ABCB1: variants seen among roughly 807,000 people sequenced by gnomAD.
The protein encoded by ABCB1 is ATP binding cassette subfamily B member 1.
A neutral mutation model predicts 142.0 loss-of-function variants in ABCB1; 69 were observed. The ratio of observed to expected loss-of-function variants is 0.49; its 90% CI spans 0.40 to 0.59. The LOEUF (loss-of-function observed/expected upper bound fraction) is 0.59, where lower values mean the gene tolerates loss of function less well. Ranked by LOEUF, ABCB1 falls within the 20% of genes least tolerant of loss-of-function variation. The pLI is 0.00. For synonymous variants in ABCB1, 532 were observed against 539.2 expected (o/e 0.99, Z 0.18); for missense variants, 1,326 against 1,554.7 (o/e 0.85, Z 2.47).
intron 5 of ABCB1, among the ~76,000 whole-genome samples, chr7:87,569,009 T>C (rs1329276853): frequency 6.6e-6 from 1 of 152,170 alleles, no homozygotes; most frequent in African/African-American, 2.4e-5. Context: ...TGGAGGTATT[T>C]GGTCCTCAGC....
At chr7:87,557,530 A>T (rs1402977202) in intron 8 of ABCB1, among the ~76,000 whole-genome samples, 1 of 152,362 alleles carries the variant, frequency 6.6e-6, no homozygotes, top group East Asian at 1.9e-4. Flanking sequence ...CAAGTAACTT[A>T]TATTTTCTGA....
intron 1 of ABCB1, among the ~76,000 whole-genome samples, chr7:87,703,910 TTTGG>T (rs1829337334): frequency 1.1e-4 from 11 of 102,194 alleles, no homozygotes; most frequent in Non-Finnish European, 1.6e-4. Flanking sequence ...TTTTTTTTTT[TTTGG>T]TTTTTTTTTT....
intron 3 of ABCB1, among the ~76,000 whole-genome samples, chr7:87,595,018 A>G (rs1457977134): frequency 1.3e-5 from 2 of 152,214 alleles, no homozygotes; most frequent in Non-Finnish European, 2.9e-5. Flanking sequence ...TCTTAGAAAA[A>G]AGGAAGTAAG....
intron 21 of ABCB1, among the ~76,000 whole-genome samples, chr7:87,523,241 T>C (rs1252534011): frequency 6.6e-6 from 1 of 152,174 alleles, no homozygotes; most frequent in Non-Finnish European, 1.5e-5. Context: ...GTCTGCCAAG[T>C]AGCTAAGACT....
At chr7:87,658,645 A>G (rs1328016419) in intron 1 of ABCB1, among the ~76,000 whole-genome samples, 2 of 152,190 alleles carry the variant, frequency 1.3e-5, no homozygotes, top group African/African-American at 4.8e-5. Context: ...AAAAATGACA[A>G]CTTGCCTACA....
rs548210839 is a variant in ABCB1 at position 87,658,913 on chromosome 7, A to G, written c.-331+54248T>C. ...ATAAAAGAAAGAACTTTAGGCTGGG[A>G]GGCCAAAGCAAGCGGATCACTTGAG... On this transcript the variant is annotated intron_variant, in intron 1 of 28. Transcript: ENST00000265724. 5.3e-5 allele frequency among the ~76,000 whole-genome samples: 8 copies of G among 152,326 alleles called. No individual in the cohort carries two copies. The East Asian group carries it at 1.5e-3, about 29-fold the overall frequency.
chr7:87,553,631 A>T, intron 9 of ABCB1, 130 bp downstream of exon 9: 1 of 1,019,628 alleles, frequency 9.8e-7, no homozygotes, highest in Non-Finnish European at 1.4e-6. Context: ...TCCACTTTTT[A>T]ACCTAGTAGT....
At chr7:87,700,467 C>G in intron 1 of ABCB1, 2 of 1,613,274 alleles carry the variant, frequency 1.2e-6, no homozygotes, top group Non-Finnish European at 1.7e-6. Flanking sequence ...GCTTCTGGGA[C>G]TATATCAGAG....
chr7:87,631,958 A>T (rs1821266756), intron 1 of ABCB1, among the ~76,000 whole-genome samples: 1 of 152,240 alleles, frequency 6.6e-6, no homozygotes, highest in South Asian at 2.1e-4. Flanking sequence ...GAATTTTTCC[A>T]AATATGAGCA....
intron 1 of ABCB1, among the ~76,000 whole-genome samples, chr7:87,665,622 C>T (rs112174398): frequency 1.3e-5 from 2 of 151,932 alleles, no homozygotes; most frequent in African/African-American, 2.4e-5. Context: ...GTTTGGTGTA[C>T]AATTAATTTT....
At chr7:87,649,833 A>G (rs1823396751) in intron 1 of ABCB1, among the ~76,000 whole-genome samples, 1 of 152,252 alleles carries the variant, frequency 6.6e-6, no homozygotes, top group African/African-American at 2.4e-5. Context: ...GTAGTAGTGA[A>G]TAAGTCTCAC....
chr7:87,506,059 T>C lies in ABCB1; in HGVS notation c.3490-16A>G. ...TGCTATATTTCTGTAAATAAGGTTTTGTTGTTATGAAAGTAGAACTGAAAG... is the reference window on the plus strand; with the variant it reads ...TGCTATATTTCTGTAAATAAGGTTTCGTTGTTATGAAAGTAGAACTGAAAG... On this transcript the variant is annotated splice_polypyrimidine_tract_variant and intron_variant, in intron 26 of 27. Coordinates refer to ENST00000622132, the MANE Select transcript of ABCB1 (RefSeq NM_001348946.2). The C allele has an allele frequency of 6.2e-7, 1 of 1,613,066 alleles. No homozygotes were observed. Among genetic ancestry groups the C allele is most frequent in the Non-Finnish European group, 8.5e-7 (1 of 1,179,042 alleles).
At chr7:87,622,232 A>G (rs1820249964) in intron 1 of ABCB1, among the ~76,000 whole-genome samples, 1 of 152,160 alleles carries the variant, frequency 6.6e-6, no homozygotes, top group Admixed American at 6.5e-5. Flanking sequence ...AACAAATATG[A>G]TCATGAGCCA....
At chr7:87,620,553 T>G (rs562832984) in intron 1 of ABCB1, among the ~76,000 whole-genome samples, 2 of 152,360 alleles carry the variant, frequency 1.3e-5, no homozygotes, top group South Asian at 4.1e-4. Flanking sequence ...AGAAAATTAC[T>G]TCGTGGAATT....
chr7:87,571,306 T>A (rs1184957146), intron 4 of ABCB1, among the ~76,000 whole-genome samples: 1 of 152,120 alleles, frequency 6.6e-6, no homozygotes, highest in Non-Finnish European at 1.5e-5. Flanking sequence ...GGAAAGATAA[T>A]CTGGGTCCTG....
chr7:87,606,380 T>A (rs951788578), intron 1 of ABCB1, among the ~76,000 whole-genome samples: 1 of 152,132 alleles, frequency 6.6e-6, no homozygotes, highest in African/African-American at 2.4e-5. Flanking sequence ...AAAACTTAAG[T>A]CTGTTTGACT....
chr7:87,691,290 G>T (rs563887182), intron 1 of ABCB1, among the ~76,000 whole-genome samples: 1 of 152,244 alleles, frequency 6.6e-6, no homozygotes, highest in Admixed American at 6.5e-5. Flanking sequence ...TCTGTCTTCA[G>T]TATTCAGTAT....
chr7:87,646,549 G>A (rs1823022007), intron 1 of ABCB1, among the ~76,000 whole-genome samples: 1 of 152,144 alleles, frequency 6.6e-6, no homozygotes. Flanking sequence ...CAGTGTGGAT[G>A]CAGAGTTAGC....
intron 1 of ABCB1, among the ~76,000 whole-genome samples, chr7:87,671,874 T>C (rs1335242781): frequency 1.3e-5 from 2 of 152,088 alleles, no homozygotes; most frequent in African/African-American, 4.8e-5. Flanking sequence ...CTGGGAGCAC[T>C]GTCCTGGGAG....
Sources: allele counts gnomAD v4.1 joint callset (sites outside exome capture counted in the v4.1 genomes callset), GRCh38; gene constraint gnomAD v4.1.1; transcripts MANE v1.5; gene names NCBI Gene and HGNC (gene_info 2026-07-23, HGNC 2026-07-21).